TNS3: variants seen among roughly 807,000 people sequenced by gnomAD.
TNS3 encodes the protein tensin 3.
TNS3 carries 45 observed loss-of-function variants against 140.9 expected under a neutral mutation model. The ratio of observed to expected loss-of-function variants is 0.32; its 90% CI spans 0.25 to 0.41. TNS3 has a LOEUF of 0.41. Ranked by LOEUF, TNS3 falls within the 10% of genes least tolerant of loss-of-function variation. The probability of loss-of-function intolerance (pLI) is 1.00; values close to 1 mark genes in which losing one functional copy is unlikely to be tolerated. For missense variants in TNS3, 1,716 were observed against 1,906.7 expected, an observed-to-expected ratio of 0.90 and a Z score of 1.86; for synonymous variants, 815 against 788.4, an observed-to-expected ratio of 1.03 and a Z score of -0.56.
Position 47,379,825 on chromosome 7 carries a change from G to A in TNS3, c.1025-10204C>T, listed in dbSNP as rs116751048. 7.2e-3 allele frequency among the ~76,000 whole-genome samples: 1,103 copies of A among 152,332 alleles called. 17 individuals are homozygous for A. Among genetic ancestry groups the A allele is most frequent in the African/African-American group, 0.025 (1,047 of 41,562 alleles). Reference sequence around the variant, plus strand: ...TGCAGCGGCAGCACCAGGACACCTTGCTGAGACTGCCGGAGGGCGCTGGAA... The same window carrying A: ...TGCAGCGGCAGCACCAGGACACCTTACTGAGACTGCCGGAGGGCGCTGGAA... On this transcript the variant is annotated intron_variant, in intron 16 of 30. Coordinates refer to ENST00000311160, the MANE Select transcript of TNS3 (RefSeq NM_022748.12).
At position 47,466,002 on chromosome 7, in the gene TNS3, G is replaced by T. The variant is rs75315777; in HGVS notation, c.-76+15101C>A. 2.6e-5 allele frequency among the ~76,000 whole-genome samples: 4 copies of T among 151,972 alleles called. No individual in the cohort carries two copies. In the East Asian group the frequency reaches 7.7e-4, roughly 29 times the overall value. ...AACATTTTAATACATAGAACAAACT[G>T]CCAGAATTGTGAAGAATAATTTCTT... On this transcript the variant is annotated intron_variant, in intron 4 of 30. Transcript: ENST00000311160.
At chr7:47,550,205 C>T (rs888929105) in intron 1 of TNS3, among the ~76,000 whole-genome samples, 5 of 152,114 alleles carry the variant, frequency 3.3e-5, no homozygotes, top group African/African-American at 1.2e-4. Flanking sequence ...ATCCAAGGCC[C>T]AGACGCGAGA....
In TNS3 at chr7:47,368,422, C is replaced by A. The variant is rs1190713871; in HGVS notation, c.2224G>T (p.Ala742Ser). 2.0e-6 allele frequency: 3 copies of A among 1,526,112 alleles called. No homozygotes were observed. Among genetic ancestry groups the A allele is most frequent in the African/African-American group, 1.4e-5 (1 of 72,550 alleles). 94.5% of individuals were successfully genotyped at this position (1,526,112 alleles called of 1,614,324 possible). ...CCTGTGTCAGGCAGCCTGCTGCTTG[C>A]CCGGAGCCCACCTCCCACGCTGTCT... is the stretch of plus-strand genomic sequence containing the variant. The part of the protein sequence containing the change: ...SPDSVGGGLR[A>S]SSRLPDTGEG... The change falls in exon 17 of 31, where the codon GCA becomes TCA. Residue 742 changes from alanine (A) to serine (S), a missense_variant. Ala to Ser is a moderately conservative substitution (Grantham distance 99). This residue lies in a region of TNS3 where 1,163 missense variants were observed against 1,182.1 expected (regional missense o/e 0.98). Transcript: ENST00000311160.
intron 10 of TNS3, among the ~76,000 whole-genome samples, chr7:47,421,481 A>G (rs2151461364): frequency 6.6e-6 from 1 of 150,982 alleles, no homozygotes; most frequent in South Asian, 2.1e-4. Context: ...CTGTGTTGCT[A>G]AGGCAGGTCT....
chr7:47,482,117 C>A (rs898824102), intron 3 of TNS3, among the ~76,000 whole-genome samples: 4 of 152,236 alleles, frequency 2.6e-5, no homozygotes, highest in African/African-American at 9.6e-5. Flanking sequence ...CCTTAGCTTT[C>A]TCCTGGCACT....
intron 1 of TNS3, among the ~76,000 whole-genome samples, chr7:47,566,085 C>T (rs1379288284): frequency 6.6e-6 from 1 of 152,220 alleles, no homozygotes; most frequent in Non-Finnish European, 1.5e-5. Flanking sequence ...CGAGCCGCAA[C>T]CCAAAGTGTC....
At chr7:47,423,824 C>G (rs1010605023) in intron 10 of TNS3, among the ~76,000 whole-genome samples, 3 of 152,188 alleles carry the variant, frequency 2.0e-5, no homozygotes, top group African/African-American at 4.8e-5. Flanking sequence ...TCACTCACTG[C>G]AAGAGAGGAA....
intron 1 of TNS3, chr7:47,579,760 T>C (rs1784485275): frequency 1.3e-6 from 1 of 765,892 alleles, no homozygotes. Flanking sequence ...TTTACTCATC[T>C]GTAAAATGGG....
chr7:47,418,872 A>T (rs1292106814), intron 10 of TNS3, among the ~76,000 whole-genome samples: 2 of 152,276 alleles, frequency 1.3e-5, no homozygotes, highest in African/African-American at 4.8e-5. Flanking sequence ...CATAAAAATC[A>T]GCATTCAAAT....
At chr7:47,421,247 TA>T (rs1470679064) in intron 10 of TNS3, among the ~76,000 whole-genome samples, 1 of 152,290 alleles carries the variant, frequency 6.6e-6, no homozygotes, top group Non-Finnish European at 1.5e-5. Flanking sequence ...ATGCTGATAA[TA>T]AACCAAAACT....
intron 21 of TNS3, among the ~76,000 whole-genome samples, chr7:47,304,307 T>C (rs6463411): frequency 0.11 from 17,282 of 152,198 alleles, 1,289 homozygotes; most frequent in African/African-American, 0.2. Context: ...CAATGGAACA[T>C]TCATGGGTAC....
intron 3 of TNS3, among the ~76,000 whole-genome samples, chr7:47,499,849 G>A (rs764899469): frequency 4.6e-5 from 7 of 152,130 alleles, no homozygotes; most frequent in South Asian, 2.1e-4. Flanking sequence ...AACGTAGACT[G>A]TGGACTCATC....
chr7:47,384,536 C>T (rs557651375), intron 16 of TNS3, among the ~76,000 whole-genome samples: 2 of 152,350 alleles, frequency 1.3e-5, no homozygotes, highest in South Asian at 4.1e-4. Context: ...CTGGCCTTGA[C>T]TCTTTGGACT....
Position 47,278,148 on chromosome 7 carries a change from G to T in TNS3, c.4266C>A (p.Asp1422Glu), listed in dbSNP as rs981942599. 1.9e-5 allele frequency: 30 copies of T among 1,614,016 alleles called. No homozygotes were observed. The highest frequency in any genetic ancestry group is 2.5e-5 in the Non-Finnish European group (29 of 1,180,020). Residue 1422 changes from aspartate to glutamate, a missense_variant, in exon 31 of 31, where the codon GAC becomes GAA. By Grantham distance (45) the Asp-to-Glu change is conservative (BLOSUM62 2). Around this residue, in one of 3 missense-constraint regions of TNS3, gnomAD observed 216 missense variants for 295.7 expected, o/e 0.73. Transcript: ENST00000311160. The stretch of plus-strand genomic sequence containing the variant: ...CAATGGCACTGGCAGGCTGCTCAGG[G>T]TCATGCTCTGCAAACAGGTGGCACA... Reference protein sequence around the residue: ...DNVCHLFAEHDPEQPASAIVN... With the variant: ...DNVCHLFAEHEPEQPASAIVN...
chr7:47,426,212 G>A (rs1193722062), intron 9 of TNS3, among the ~76,000 whole-genome samples: 9 of 152,108 alleles, frequency 5.9e-5, no homozygotes, highest in Admixed American at 5.2e-4. Flanking sequence ...AACCTGGGAG[G>A]TGGAGGTTAC....
chr7:47,301,766 A>C (rs1211838984), intron 23 of TNS3, among the ~76,000 whole-genome samples: 3 of 152,166 alleles, frequency 2.0e-5, no homozygotes, highest in Non-Finnish European at 4.4e-5. Context: ...ACAAACACAC[A>C]GTGTCCCTGA....
chr7:47,321,948 T>C (rs553838224), intron 20 of TNS3, among the ~76,000 whole-genome samples: 1 of 152,184 alleles, frequency 6.6e-6, no homozygotes, highest in East Asian at 1.9e-4. Context: ...CTGCCCATCA[T>C]CCACCAAGGT....
chr7:47,582,153 C>T (rs919605871), upstream of TNS3: 2 of 151,102 alleles, frequency 1.3e-5, no homozygotes, highest in African/African-American at 4.9e-5. Context: ...CTGCCGGCGC[C>T]CGCGGCAGGG....
chr7:47,440,397 G>A (rs1795408662), intron 5 of TNS3, among the ~76,000 whole-genome samples: 1 of 152,214 alleles, frequency 6.6e-6, no homozygotes, highest in Non-Finnish European at 1.5e-5. Context: ...CACAGGCCAG[G>A]TGGATGCAGG....
Sources: allele counts gnomAD v4.1 joint callset (sites outside exome capture counted in the v4.1 genomes callset), GRCh38; gene constraint gnomAD v4.1.1; regional missense constraint gnomAD v4.1.1; transcripts MANE v1.5; gene names NCBI Gene and HGNC (gene_info 2026-07-23, HGNC 2026-07-21).